Variants in PFKFB1 observed in about 807,000 individuals in gnomAD.
The protein encoded by PFKFB1 is 6-phosphofructo-2-kinase/fructose-2,6-biphosphatase 1, also known as 6-phosphofructo-2-kinase/fructose-2,6-bisphosphatase 1.
A neutral mutation model predicts 46.4 loss-of-function variants in PFKFB1; 34 were observed. The observed-to-expected ratio is 0.73, with a 90% CI of 0.56 to 0.98. The LOEUF is 0.98. Among genes scored for constraint, PFKFB1 ranks in the 50% least tolerant of loss-of-function variants. PFKFB1 has a pLI of 0.00. For missense variants in PFKFB1, 393 were observed against 376.3 expected, an observed-to-expected ratio of 1.04 and a Z score of -0.37; for synonymous variants, 119 against 133.8, an observed-to-expected ratio of 0.89 and a Z score of 0.76.
chrX:54,993,890 A>G, intron 1 of PFKFB1, 21 bp downstream of exon 1: 1 of 1,193,753 alleles, frequency 8.4e-7, no homozygotes, highest in Non-Finnish European at 1.1e-6. Flanking sequence ...CTTTAAACCC[A>G]CGGAAGCAAA....
chrX:54,991,746 A>C (rs143028096), intron 1 of PFKFB1, among the ~76,000 whole-genome samples: 2,596 of 111,038 alleles, frequency 0.023, 84 homozygotes, highest in African/African-American at 0.081. Context: ...TTAGAAACTA[A>C]CCAAATGCTC....
At chrX:54,991,726 T>C (rs1935248313) in intron 1 of PFKFB1, among the ~76,000 whole-genome samples, 1 of 111,062 alleles carries the variant, frequency 9.0e-6, no homozygotes. Flanking sequence ...TTATTCTTCA[T>C]AATCAAAAAT....
intron 1 of PFKFB1, among the ~76,000 whole-genome samples, chrX:54,983,288 C>T (rs1034519346): frequency 9.0e-6 from 1 of 111,284 alleles, no homozygotes; most frequent in Non-Finnish European, 1.9e-5. Flanking sequence ...TTAACTAGCA[C>T]CCATTAGTTA....
intron 1 of PFKFB1, among the ~76,000 whole-genome samples, chrX:54,990,548 C>G (rs1443759120): frequency 9.0e-6 from 1 of 111,130 alleles, no homozygotes; most frequent in Non-Finnish European, 1.9e-5. Context: ...GATATTTTAC[C>G]TGGAAATGCT....
intron 10 of PFKFB1, among the ~76,000 whole-genome samples, chrX:54,944,707 C>A (rs1192256112): frequency 9.0e-6 from 1 of 111,446 alleles, no homozygotes; most frequent in East Asian, 2.8e-4. Flanking sequence ...ATTTTGTATA[C>A]CTCTAATAAC....
chrX:54,950,456 C>T (rs996381731), intron 8 of PFKFB1, among the ~76,000 whole-genome samples: 4 of 112,062 alleles, frequency 3.6e-5, no homozygotes, highest in Non-Finnish European at 5.7e-5. Flanking sequence ...GTGGGTGCTG[C>T]GCAAGTGAGA....
At chrX:54,998,602 G>T (rs1935389650), upstream of PFKFB1, 1 of 439,628 alleles carries the variant, frequency 2.3e-6, no homozygotes, top group Non-Finnish European at 3.9e-6. Flanking sequence ...ATCAGCTGTT[G>T]TAGTTGCCAA....
chrX:54,994,806 A>G (rs1266658159), upstream of PFKFB1: 1 of 750,440 alleles, frequency 1.3e-6, no homozygotes, highest in African/African-American at 2.3e-5. Context: ...TCATCTTTCT[A>G]CTCTCTCCAG....
intron 10 of PFKFB1, among the ~76,000 whole-genome samples, chrX:54,939,676 T>A (rs757594851): frequency 9.0e-6 from 1 of 111,502 alleles, no homozygotes; most frequent in East Asian, 2.8e-4. Flanking sequence ...ACATACACCC[T>A]CCCAAGACTA....
chrX:54,937,668 C>T lies in PFKFB1; in HGVS notation c.1155G>A (p.Gln385=). 1 of 1,206,636 alleles carries T rather than the reference C, an allele frequency of 8.3e-7. No homozygotes were observed. Among genetic ancestry groups the T allele is most frequent in the Admixed American group, 2.2e-5 (1 of 46,061 alleles). ...GGTGGCAGATCACCAGTACATTCTC[C>T]TGTCGTTCTAGCTCCATTATCACTG... ...LEPVIMELER[Q]ENVLVICHQA... The change falls in exon 11 of 14, where the codon CAG becomes CAA. Residue 385 remains glutamine (Q), a synonymous_variant. Transcript: ENST00000375006.
chrX:54,939,701 T>A (rs1278115728), intron 10 of PFKFB1, among the ~76,000 whole-genome samples: 2 of 111,690 alleles, frequency 1.8e-5, no homozygotes, highest in Non-Finnish European at 3.8e-5. Context: ...AGAAAGAGGT[T>A]GAATCTCTGA....
chrX:54,987,619 C>CT (rs1935140820), intron 1 of PFKFB1, among the ~76,000 whole-genome samples: 1 of 110,672 alleles, frequency 9.0e-6, no homozygotes, highest in Non-Finnish European at 1.9e-5. Flanking sequence ...TATACTTATA[C>CT]TTTTTACATC....
chrX:54,935,144 C>T, intron 11 of PFKFB1, 135 bp from the exon 12 acceptor site: 1 of 512,133 alleles, frequency 2.0e-6, no homozygotes, highest in Non-Finnish European at 3.5e-6. Flanking sequence ...GGGCCCACTC[C>T]CCACACCCTG....
chrX:54,975,669 T>G (rs181390656), intron 1 of PFKFB1, among the ~76,000 whole-genome samples: 2 of 111,376 alleles, frequency 1.8e-5, no homozygotes, highest in Admixed American at 1.9e-4. Flanking sequence ...TGGACTGAAC[T>G]TTACTACATG....
chrX:54,984,599 G>A (rs773653434), intron 1 of PFKFB1, among the ~76,000 whole-genome samples: 6 of 111,877 alleles, frequency 5.4e-5, no homozygotes, highest in African/African-American at 1.3e-4. Flanking sequence ...TACTGTTCCC[G>A]ACCTTACTAC....
upstream of PFKFB1, among the ~76,000 whole-genome samples, chrX:54,995,738 T>G (rs763656229): frequency 8.9e-6 from 1 of 112,478 alleles, no homozygotes; most frequent in Non-Finnish European, 1.9e-5. Context: ...ATGTTAAAAA[T>G]ATATTATCTA....
In PFKFB1 at chrX:54,937,596, T is replaced by C; in HGVS notation, c.1227A>G (p.Ser409=). The C allele has an allele frequency of 1.7e-6, 2 of 1,209,480 alleles. No homozygotes were observed. Reference sequence around the variant, plus strand: ...CCAAAGCAGAGATGAGGGTAGTACCTGAACTTTTATCCAGGAAATAGGCCA... The same window carrying C: ...CCAAAGCAGAGATGAGGGTAGTACCCGAACTTTTATCCAGGAAATAGGCCA... ...CLLAYFLDKS[S]DELPYLKCPL... Residue 409 remains serine, a splice_region_variant and synonymous_variant, in exon 11 of 14, where the codon TCA becomes TCG. Coordinates refer to ENST00000375006, the MANE Select transcript of PFKFB1 (RefSeq NM_002625.4).
intron 1 of PFKFB1, among the ~76,000 whole-genome samples, chrX:54,977,013 C>T (rs1161559453): frequency 1.8e-5 from 2 of 110,016 alleles, no homozygotes; most frequent in Non-Finnish European, 3.8e-5. Flanking sequence ...ATGGGCTGTA[C>T]AGGAGAATTT....
chrX:54,978,313 T>A (rs1277436999), intron 1 of PFKFB1, among the ~76,000 whole-genome samples: 1 of 110,921 alleles, frequency 9.0e-6, no homozygotes, highest in Non-Finnish European at 1.9e-5. Flanking sequence ...CATTGTTGAA[T>A]AAATAAGTAG....
Sources: allele counts gnomAD v4.1 joint callset (sites outside exome capture counted in the v4.1 genomes callset), GRCh38; gene constraint gnomAD v4.1.1; transcripts MANE v1.5; gene names NCBI Gene and HGNC (gene_info 2026-07-23, HGNC 2026-07-21).